THSD7B: variants seen among roughly 807,000 people sequenced by gnomAD.
The protein encoded by THSD7B is thrombospondin type-1 domain-containing protein 7B.
THSD7B carries 138 observed loss-of-function variants against 213.6 expected under a neutral mutation model. That is an observed-to-expected ratio of 0.65 (90% CI 0.56 to 0.74). The LOEUF is 0.74. Ranked by LOEUF, THSD7B falls within the 30% of genes least tolerant of loss-of-function variation. The probability of loss-of-function intolerance (pLI) is 0.00; values close to 1 mark genes in which losing one functional copy is unlikely to be tolerated. For synonymous variants in THSD7B, 742 were observed against 687.0 expected (o/e 1.08, Z -1.25); for missense variants, 1,931 against 1,991.5 (o/e 0.97, Z 0.58).
intron 2 of THSD7B, among the ~76,000 whole-genome samples, chr2:136,970,922 T>C (rs537138073): frequency 2.0e-5 from 3 of 152,358 alleles, no homozygotes; most frequent in Admixed American, 2.0e-4. Flanking sequence ...AATTCTAGCC[T>C]ATGGTTAATT....
chr2:137,025,320 T>G (rs1183281438), intron 2 of THSD7B, among the ~76,000 whole-genome samples: 2 of 152,172 alleles, frequency 1.3e-5, no homozygotes, highest in East Asian at 3.9e-4. Context: ...CAGACGTTTT[T>G]CTCAACTGAA....
At chr2:137,495,880 C>T (rs962485964) in intron 15 of THSD7B, among the ~76,000 whole-genome samples, 1 of 152,084 alleles carries the variant, frequency 6.6e-6, no homozygotes, top group Non-Finnish European at 1.5e-5. Context: ...TCCAGTTCTA[C>T]CCCCCTGGCA....
chr2:136,956,022 G>A (rs1446768944), intron 2 of THSD7B, among the ~76,000 whole-genome samples: 5 of 125,838 alleles, frequency 4.0e-5, no homozygotes, highest in African/African-American at 5.7e-5. Context: ...GCGAGACTCC[G>A]TCTCAAAAAA....
intron 15 of THSD7B, among the ~76,000 whole-genome samples, chr2:137,482,741 CTTT>C (rs1404837389): frequency 6.6e-6 from 1 of 151,540 alleles, no homozygotes; most frequent in Non-Finnish European, 1.5e-5. Context: ...ATTGCTTTTC[CTTT>C]TTTAGTGTGT....
chr2:137,303,243 A>G (rs903319901), intron 12 of THSD7B, among the ~76,000 whole-genome samples: 1 of 152,150 alleles, frequency 6.6e-6, no homozygotes, highest in African/African-American at 2.4e-5. Flanking sequence ...GCTGATGTCA[A>G]ATTCTTGGCT....
At chr2:137,248,938 C>T (rs1682104948) in intron 10 of THSD7B, among the ~76,000 whole-genome samples, 1 of 152,032 alleles carries the variant, frequency 6.6e-6, no homozygotes, top group African/African-American at 2.4e-5. Flanking sequence ...GTCTCCAGAC[C>T]CAGCTCTGAT....
intron 7 of THSD7B, among the ~76,000 whole-genome samples, chr2:137,210,526 A>C (rs1335932631): frequency 2.0e-5 from 3 of 151,998 alleles, no homozygotes; most frequent in Non-Finnish European, 4.4e-5. Context: ...TTTCTTTTCA[A>C]GTTTAAACAT....
intron 6 of THSD7B, among the ~76,000 whole-genome samples, chr2:137,162,411 TG>T (rs1359149474): frequency 2.6e-5 from 4 of 152,118 alleles, no homozygotes; most frequent in Non-Finnish European, 4.4e-5. Flanking sequence ...CTGGAGGATG[TG>T]GGGTTTACAT....
intron 2 of THSD7B, among the ~76,000 whole-genome samples, chr2:137,022,516 G>A (rs933024764): frequency 5.3e-5 from 8 of 151,638 alleles, no homozygotes; most frequent in African/African-American, 9.7e-5. Context: ...TATACATTGG[G>A]TTTTGAAGAT....
At chr2:137,559,486 G>A (rs900005738) in intron 15 of THSD7B, among the ~76,000 whole-genome samples, 40 of 152,104 alleles carry the variant, frequency 2.6e-4, no homozygotes, top group African/African-American at 8.7e-4. Context: ...TTTAACAAGC[G>A]GTGCTGGGAA....
intron 15 of THSD7B, among the ~76,000 whole-genome samples, chr2:137,477,894 T>G (rs1688225283): frequency 6.6e-6 from 1 of 152,098 alleles, no homozygotes; most frequent in Admixed American, 6.5e-5. Flanking sequence ...CTTTCAGCAT[T>G]TTGAATATAT....
intron 20 of THSD7B, among the ~76,000 whole-genome samples, chr2:137,622,401 T>C (rs896757985): frequency 6.6e-6 from 1 of 151,982 alleles, no homozygotes; most frequent in Non-Finnish European, 1.5e-5. Flanking sequence ...CAAGATACAG[T>C]GGTGGTATAG....
chr2:136,839,231 C>T (rs1244677728), intron 1 of THSD7B, among the ~76,000 whole-genome samples: 4 of 152,188 alleles, frequency 2.6e-5, no homozygotes, highest in Non-Finnish European at 1.5e-5. Context: ...ACCACACCTA[C>T]CTCCTTTCTA....
chr2:136,965,618 C>T (rs758350174), intron 2 of THSD7B, among the ~76,000 whole-genome samples: 1 of 152,030 alleles, frequency 6.6e-6, no homozygotes, highest in Non-Finnish European at 1.5e-5. Context: ...TTCTAAGGCC[C>T]CTTTCTTTGT....
In THSD7B at chr2:137,067,310, G is replaced by C. The variant is rs191505634; in HGVS notation, c.950+10080G>C. ...TGGAACGGGGGTAATTAGACCTTTA[G>C]TGTGAGGTTGTTATATTTACCTGAC... is the stretch of plus-strand genomic sequence containing the variant. On this transcript the variant is annotated intron_variant, in intron 3 of 27. Transcript: ENST00000409968. Among the ~76,000 whole-genome samples the C allele has an allele frequency of 1.6e-4, 24 of 152,172 alleles. 1 individual carries two copies. In the South Asian group the frequency reaches 2.9e-3, roughly 18 times the overall value.
intron 15 of THSD7B, among the ~76,000 whole-genome samples, chr2:137,481,526 C>T (rs2041392867): frequency 6.6e-6 from 1 of 152,232 alleles, no homozygotes. Flanking sequence ...GAGCCAGCTG[C>T]TTCTACAAAG....
chr2:137,577,212 G>A lies in THSD7B; in HGVS notation c.3423+4656G>A, dbSNP rs138081385. On this transcript the variant is annotated intron_variant, in intron 17 of 27. Transcript: ENST00000409968. The stretch of plus-strand genomic sequence containing the variant: ...AATTCATTACTCAGGGGCTTGCAGC[G>A]TATTTTACCCCTGTGTGCAGTGAGA... Among the ~76,000 whole-genome samples the A allele has an allele frequency of 3.4e-4, 51 of 152,150 alleles. No individual in the cohort carries two copies. In the Middle Eastern group the frequency reaches 0.014, roughly 41 times the overall value.
intron 3 of THSD7B, among the ~76,000 whole-genome samples, chr2:137,080,104 A>C (rs1687713613): frequency 6.6e-6 from 1 of 151,734 alleles, no homozygotes; most frequent in Non-Finnish European, 1.5e-5. Flanking sequence ...AGCCTCCCCA[A>C]ATGCTGGGAT....
chr2:137,471,812 C>T (rs945823269), intron 15 of THSD7B, among the ~76,000 whole-genome samples: 3 of 151,996 alleles, frequency 2.0e-5, no homozygotes, highest in Admixed American at 1.3e-4. Context: ...TGTCGCTGGA[C>T]GAGGGTCAGA....
Sources: allele counts gnomAD v4.1 joint callset (sites outside exome capture counted in the v4.1 genomes callset), GRCh38; gene constraint gnomAD v4.1.1; transcripts MANE v1.5; gene names NCBI Gene and HGNC (gene_info 2026-07-23, HGNC 2026-07-21).